The following DLEU7 variants were observed in gnomAD, a reference collection of about 807,000 sequenced individuals.
DLEU7 encodes deleted in lymphocytic leukemia 7.
DLEU7 carries 17 observed loss-of-function variants against 16.0 expected under a neutral mutation model. The ratio of observed to expected loss-of-function variants is 1.06; its 90% CI spans 0.73 to 1.59. The LOEUF is 1.59. Among genes scored for constraint, DLEU7 ranks in the 40% most tolerant of loss-of-function variants. DLEU7 has a pLI of 0.00. For missense variants in DLEU7, 308 were observed against 314.9 expected, an observed-to-expected ratio of 0.98 and a Z score of 0.17; for synonymous variants, 113 against 139.8, an observed-to-expected ratio of 0.81 and a Z score of 1.35.
At chr13:50,814,639 TGTG>T (rs1876669013) in intron 1 of DLEU7, among the ~76,000 whole-genome samples, 1 of 149,884 alleles carries the variant, frequency 6.7e-6, no homozygotes, top group Non-Finnish European at 1.5e-5. Flanking sequence ...GTATCTTGAT[TGTG>T]GTGGTAGTTA....
intron 1 of DLEU7, chr13:50,723,202 G>A (rs1056979164): frequency 4.6e-5 from 7 of 152,070 alleles, no homozygotes; most frequent in Admixed American, 2.0e-4. Flanking sequence ...AATTCTTACT[G>A]AAGAAGTGAA....
intron 1 of DLEU7, among the ~76,000 whole-genome samples, chr13:50,827,024 A>G (rs1329699122): frequency 6.6e-6 from 1 of 152,250 alleles, no homozygotes; most frequent in African/African-American, 2.4e-5. Flanking sequence ...CTGAGAGGAA[A>G]TTCAACTGAA....
At chr13:50,841,901 A>G (rs1017845325) in intron 1 of DLEU7, among the ~76,000 whole-genome samples, 3 of 152,156 alleles carry the variant, frequency 2.0e-5, no homozygotes, top group South Asian at 2.1e-4. Flanking sequence ...CTAACTTTCT[A>G]AAGTGAGTGT....
intron 1 of DLEU7, among the ~76,000 whole-genome samples, chr13:50,809,499 G>A (rs1282493205): frequency 2.6e-5 from 4 of 152,082 alleles, no homozygotes; most frequent in African/African-American, 9.7e-5. Context: ...ACCTCAGCTG[G>A]TCTCAGAGGA....
At chr13:50,766,213 T>C (rs1038565692) in intron 1 of DLEU7, among the ~76,000 whole-genome samples, 2 of 152,166 alleles carry the variant, frequency 1.3e-5, no homozygotes, top group African/African-American at 4.8e-5. Flanking sequence ...CACTGAGCAT[T>C]GGATGCTGTT....
At chr13:50,785,540 T>TA (rs1480078499) in intron 1 of DLEU7, among the ~76,000 whole-genome samples, 2 of 152,082 alleles carry the variant, frequency 1.3e-5, no homozygotes, top group Non-Finnish European at 2.9e-5. Context: ...TCCTCAGCTA[T>TA]AAAAAAAGAT....
At chr13:50,748,401 A>G (rs1037639698) in intron 1 of DLEU7, among the ~76,000 whole-genome samples, 2 of 152,122 alleles carry the variant, frequency 1.3e-5, no homozygotes, top group African/African-American at 4.8e-5. Context: ...AAAAATATAA[A>G]TACTCTATTC....
At chr13:50,834,009 C>T (rs1371109980) in intron 1 of DLEU7, among the ~76,000 whole-genome samples, 2 of 152,080 alleles carry the variant, frequency 1.3e-5, no homozygotes, top group East Asian at 1.9e-4. Flanking sequence ...GAAACTGGAC[C>T]CCTTCCTTAC....
At chr13:50,771,983 G>A (rs985922123) in intron 1 of DLEU7, among the ~76,000 whole-genome samples, 11 of 151,950 alleles carry the variant, frequency 7.2e-5, no homozygotes, top group African/African-American at 1.2e-4. Flanking sequence ...GATAGTTAGC[G>A]CTTCTTGTTG....
intron 1 of DLEU7, among the ~76,000 whole-genome samples, chr13:50,777,206 C>T (rs1249503120): frequency 6.6e-6 from 1 of 152,144 alleles, no homozygotes; most frequent in Non-Finnish European, 1.5e-5. Flanking sequence ...TACTGAGTGT[C>T]AACTTGATCG....
rs1593527731 is a variant in DLEU7, at chr13:50,722,222, G to A, written c.460-8982C>T. Among the ~76,000 whole-genome samples, 7 of 152,326 alleles carry A rather than the reference G, an allele frequency of 4.6e-5. No homozygotes were observed. The South Asian group carries it at 1.4e-3, about 32-fold the overall frequency. On this transcript the variant is annotated intron_variant, in intron 1 of 1. Coordinates refer to the DLEU7 transcript ENST00000400393. ...ATGCTTTGGTGTAAAGAATAAGGTGGAAGGGATGATGTCCTGGTTTTAAGC... is the reference window on the plus strand; with the variant it reads ...ATGCTTTGGTGTAAAGAATAAGGTGAAAGGGATGATGTCCTGGTTTTAAGC...
At position 50,718,340 on chromosome 13, in the gene DLEU7, T is replaced by C. The variant is rs143143506; in HGVS notation, c.460-5100A>G. Among the ~76,000 whole-genome samples, 830 of 152,274 alleles carry C rather than the reference T, an allele frequency of 5.5e-3. 4 individuals are homozygous for C. The highest frequency in any genetic ancestry group is 8.4e-3 in the Admixed American group (128 of 15,292). ...AGACAGTGGAACCATTTGGGTGCCA[T>C]TTAAATTTAAAGAAGGAAATAGAAG... On this transcript the variant is annotated intron_variant, in intron 1 of 1. Transcript: ENST00000400393.
At chr13:50,725,291 T>C (rs761730166) in intron 1 of DLEU7, among the ~76,000 whole-genome samples, 2 of 152,178 alleles carry the variant, frequency 1.3e-5, no homozygotes, top group Admixed American at 6.5e-5. Context: ...TTGACAAAAT[T>C]AGGAAATCCC....
intron 1 of DLEU7, among the ~76,000 whole-genome samples, chr13:50,832,434 C>G (rs533291166): frequency 6.6e-6 from 1 of 152,256 alleles, no homozygotes; most frequent in East Asian, 1.9e-4. Context: ...AAAACCAGCT[C>G]CTGGATTCAT....
intron 1 of DLEU7, among the ~76,000 whole-genome samples, chr13:50,748,694 TGAG>T (rs1874472511): frequency 6.7e-6 from 1 of 148,826 alleles, no homozygotes; most frequent in Admixed American, 6.7e-5. Context: ...AAGAAGAAAA[TGAG>T]GAAGAGAGAA....
chr13:50,797,279 A>T (rs1040691788), intron 1 of DLEU7, among the ~76,000 whole-genome samples: 2 of 152,156 alleles, frequency 1.3e-5, no homozygotes, highest in Non-Finnish European at 2.9e-5. Flanking sequence ...CACAGCCTGG[A>T]GTCCAAGGCA....
At chr13:50,743,946 C>G (rs1358175330) in intron 1 of DLEU7, among the ~76,000 whole-genome samples, 3 of 152,174 alleles carry the variant, frequency 2.0e-5, no homozygotes, top group Non-Finnish European at 4.4e-5. Context: ...CCATACACTG[C>G]TTGGTGATGC....
intron 1 of DLEU7, among the ~76,000 whole-genome samples, chr13:50,783,080 T>C (rs1474456679): frequency 2.0e-5 from 3 of 152,208 alleles, no homozygotes; most frequent in Non-Finnish European, 4.4e-5. Flanking sequence ...CCAATAGGGG[T>C]TGGGAATCAC....
intron 1 of DLEU7, among the ~76,000 whole-genome samples, chr13:50,827,080 A>G (rs1877109106): frequency 6.6e-6 from 1 of 152,240 alleles, no homozygotes. Flanking sequence ...AAACTCAAAC[A>G]CATGGTATAA....
Sources: gnomAD v4.1 joint callset for allele counts (sites outside exome capture counted in the v4.1 genomes callset) on GRCh38, gnomAD v4.1.1 for gene constraint, MANE v1.5 for transcripts, NCBI Gene and HGNC (gene_info 2026-07-23, HGNC 2026-07-21) for gene names.